The following SPTLC2 variants were observed in gnomAD, a reference collection of about 807,000 sequenced individuals.
The protein encoded by SPTLC2 is serine palmitoyltransferase 2.
Under a neutral mutation model 62.0 loss-of-function variants are expected in SPTLC2, and 21 were observed. The observed-to-expected ratio is 0.34, with a 90% CI of 0.24 to 0.49. SPTLC2 has a LOEUF of 0.49. Among genes scored for constraint, SPTLC2 ranks in the 20% least tolerant of loss-of-function variants. The pLI is 0.99. For synonymous variants in SPTLC2, 261 were observed against 261.8 expected (o/e 1.00, Z 0.03); for missense variants, 511 against 713.0 (o/e 0.72, Z 3.23).
chr14:77,611,458 C>CAAAA (rs34421039), intron 1 of SPTLC2, among the ~76,000 whole-genome samples: 3 of 110,828 alleles, frequency 2.7e-5, no homozygotes, highest in Admixed American at 9.8e-5. Flanking sequence ...CCTATCTCGC[C>CAAAA]AAAAAAAAAA....
chr14:77,570,304 C>G (rs1358169975), intron 5 of SPTLC2, 80 bp downstream of exon 5: 12 of 1,563,114 alleles, frequency 7.7e-6, no homozygotes, highest in Admixed American at 1.7e-5. Flanking sequence ...TTTATAACAG[C>G]TTTTAGCTCA....
chr14:77,579,413 T>C (rs1453146638), intron 2 of SPTLC2, among the ~76,000 whole-genome samples: 1 of 152,186 alleles, frequency 6.6e-6, no homozygotes, highest in African/African-American at 2.4e-5. Context: ...ATTTTCATAC[T>C]GTAAGAGCAC....
At chr14:77,574,894 G>A (rs2079705662) in intron 4 of SPTLC2, among the ~76,000 whole-genome samples, 1 of 152,160 alleles carries the variant, frequency 6.6e-6, no homozygotes, top group Non-Finnish European at 1.5e-5. Context: ...TTTCTTTTAG[G>A]AGGAATGAAA....
At chr14:77,603,519 G>T (rs1451816801) in intron 1 of SPTLC2, among the ~76,000 whole-genome samples, 1 of 152,222 alleles carries the variant, frequency 6.6e-6, no homozygotes, top group Non-Finnish European at 1.5e-5. Context: ...ACTGTGCTCT[G>T]AATGTGTATG....
At chr14:77,553,783 G>T (rs1456508225) in intron 8 of SPTLC2, among the ~76,000 whole-genome samples, 2 of 145,550 alleles carry the variant, frequency 1.4e-5, no homozygotes, top group Admixed American at 6.9e-5. Context: ...CACTGAAAAT[G>T]AGTTCTCTCT....
chr14:77,570,347 A>C, intron 5 of SPTLC2, 37 bp downstream of exon 5: 1 of 1,609,382 alleles, frequency 6.2e-7, no homozygotes, highest in South Asian at 1.1e-5. Context: ...AAGAAGATAT[A>C]CATGAGGGAG....
chr14:77,584,271 CT>C (rs1247673150), intron 2 of SPTLC2, among the ~76,000 whole-genome samples: 1 of 152,176 alleles, frequency 6.6e-6, no homozygotes, highest in Non-Finnish European at 1.5e-5. Flanking sequence ...GATGCTATCA[CT>C]TTTTGAAGTC....
intron 1 of SPTLC2, among the ~76,000 whole-genome samples, chr14:77,608,756 G>A (rs1436066925): frequency 6.6e-6 from 1 of 151,868 alleles, no homozygotes; most frequent in African/African-American, 2.4e-5. Context: ...AACTGTAAAG[G>A]CTAAAGCCCC....
chr14:77,531,201 G>A (rs886555146), intron 9 of SPTLC2, among the ~76,000 whole-genome samples: 2 of 152,182 alleles, frequency 1.3e-5, no homozygotes, highest in Non-Finnish European at 2.9e-5. Flanking sequence ...GGCATTTTGG[G>A]CAAAACAGTT....
intron 4 of SPTLC2, among the ~76,000 whole-genome samples, chr14:77,574,309 A>C (rs2079701320): frequency 6.6e-6 from 1 of 152,238 alleles, no homozygotes; most frequent in Non-Finnish European, 1.5e-5. Flanking sequence ...AACAGGTAGC[A>C]AAGTAATCAA....
intron 1 of SPTLC2, among the ~76,000 whole-genome samples, chr14:77,614,844 G>A (rs757213952): frequency 9.9e-5 from 15 of 150,784 alleles, no homozygotes; most frequent in East Asian, 1.9e-4. Context: ...GATGACGGGC[G>A]CCTGTAATCC....
intron 9 of SPTLC2, among the ~76,000 whole-genome samples, chr14:77,532,871 T>A (rs1475374608): frequency 6.6e-6 from 1 of 152,156 alleles, no homozygotes; most frequent in Non-Finnish European, 1.5e-5. Context: ...TATGGGACAC[T>A]ACAATTGAAA....
intron 2 of SPTLC2, among the ~76,000 whole-genome samples, chr14:77,595,560 AAGATGGTTG>A (rs2079842050): frequency 2.0e-5 from 3 of 152,172 alleles, no homozygotes; most frequent in Admixed American, 2.0e-4. Flanking sequence ...GATGGAGTAC[AAGATGGTTG>A]AGATGAGAGA....
intron 1 of SPTLC2, among the ~76,000 whole-genome samples, chr14:77,616,244 C>T (rs1270302774): frequency 6.6e-6 from 1 of 152,136 alleles, no homozygotes; most frequent in African/African-American, 2.4e-5. Context: ...CCTCCAGGCG[C>T]GGAGAGGTGG....
intron 5 of SPTLC2, among the ~76,000 whole-genome samples, chr14:77,569,497 T>G (rs967396554): frequency 6.6e-6 from 1 of 152,004 alleles, no homozygotes; most frequent in Non-Finnish European, 1.5e-5. Context: ...CAAAAGAAAC[T>G]TGGAGGATCA....
chr14:77,578,713 C>T, intron 3 of SPTLC2: 2 of 406,058 alleles, frequency 4.9e-6, no homozygotes, highest in South Asian at 4.5e-5. Flanking sequence ...GAGCGAAACT[C>T]CATCTCAAAA....
chr14:77,595,194 G>A (rs944607788), intron 2 of SPTLC2, among the ~76,000 whole-genome samples: 2 of 151,946 alleles, frequency 1.3e-5, no homozygotes, highest in South Asian at 2.1e-4. Flanking sequence ...GTGAAACCTC[G>A]TTTCTACTAA....
At chr14:77,583,653 T>G (rs906485150) in intron 2 of SPTLC2, among the ~76,000 whole-genome samples, 1 of 152,210 alleles carries the variant, frequency 6.6e-6, no homozygotes, top group African/African-American at 2.4e-5. Flanking sequence ...ATCATTGACC[T>G]AATACTCAGT....
rs367670058 is a variant in SPTLC2, at chr14:77,531,648, G to A, written c.1304-10067C>T. ...CCTCCCTCAGCCTCCTGAGTAGCTG[G>A]GATTAAGGCAAGTGCCACCATGCCC... On this transcript the variant is annotated intron_variant, in intron 9 of 11. Coordinates refer to ENST00000216484, the MANE Select transcript of SPTLC2 (RefSeq NM_004863.4). Among the ~76,000 whole-genome samples the A allele has an allele frequency of 7.2e-5, 11 of 152,018 alleles. 1 individual carries two copies. The East Asian group carries it at 1.5e-3, about 21-fold the overall frequency.
Sources: gnomAD v4.1 joint callset for allele counts (sites outside exome capture counted in the v4.1 genomes callset) on GRCh38, gnomAD v4.1.1 for gene constraint, MANE v1.5 for transcripts, NCBI Gene and HGNC (gene_info 2026-07-23, HGNC 2026-07-21) for gene names.